The following ZNF532 variants were observed in gnomAD, a reference collection of about 807,000 sequenced individuals.
ZNF532 encodes zinc finger protein 532.
A neutral mutation model predicts 89.3 loss-of-function variants in ZNF532; 22 were observed. That is an observed-to-expected ratio of 0.25 (90% confidence interval 0.18 to 0.35). The LOEUF is 0.35. ZNF532 is among the 10% of genes least tolerant of loss of function. The probability of loss-of-function intolerance (pLI) is 1.00; values close to 1 mark genes in which losing one functional copy is unlikely to be tolerated. For synonymous variants in ZNF532, 606 were observed against 649.6 expected, an observed-to-expected ratio of 0.93 and a Z score of 1.02; for missense variants, 1,132 against 1,643.4, an observed-to-expected ratio of 0.69 and a Z score of 5.38.
intron 2 of ZNF532, among the ~76,000 whole-genome samples, chr18:58,895,718 C>T (rs1443771221): frequency 1.3e-5 from 2 of 152,280 alleles, no homozygotes; most frequent in Non-Finnish European, 2.9e-5. Flanking sequence ...CGGGGCTCCC[C>T]ACCCCTCACA....
chr18:58,904,424 A>ATC (rs1255307871), intron 2 of ZNF532, among the ~76,000 whole-genome samples: 22 of 152,272 alleles, frequency 1.4e-4, no homozygotes, highest in African/African-American at 5.3e-4. Flanking sequence ...ATGATTAAAA[A>ATC]AAGCTAAATG....
chr18:58,867,213 C>T (rs2056550673), intron 2 of ZNF532, among the ~76,000 whole-genome samples: 1 of 151,942 alleles, frequency 6.6e-6, no homozygotes, highest in African/African-American at 2.4e-5. Flanking sequence ...CACGGCTATA[C>T]AGTGCGAATA....
At chr18:58,953,032 G>T (rs369234690) in intron 6 of ZNF532, among the ~76,000 whole-genome samples, 23 of 152,290 alleles carry the variant, frequency 1.5e-4, no homozygotes, top group African/African-American at 5.5e-4. Context: ...AATGTGAAAG[G>T]CATGAAGAGA....
chr18:58,981,327 T>A (rs1228444556), intron 8 of ZNF532, 143 bp from the exon 9 acceptor site: 10 of 1,046,386 alleles, frequency 9.6e-6, no homozygotes, highest in Non-Finnish European at 1.4e-5. Context: ...AATTGCTGAT[T>A]GCGTGTTGAA....
chr18:58,869,690 T>C (rs2056800796), intron 2 of ZNF532, among the ~76,000 whole-genome samples: 1 of 152,086 alleles, frequency 6.6e-6, no homozygotes. Flanking sequence ...TGAAAATGTT[T>C]AAGCAATATT....
intron 6 of ZNF532, 93 bp downstream of exon 6, chr18:58,948,322 C>T (rs2063834882): frequency 1.5e-6 from 2 of 1,328,732 alleles, no homozygotes; most frequent in South Asian, 1.5e-5. Context: ...CTAAAGCATG[C>T]CTCACTGTCG....
At chr18:58,971,831 G>C (rs1490647068) in intron 7 of ZNF532, among the ~76,000 whole-genome samples, 1 of 152,234 alleles carries the variant, frequency 6.6e-6, no homozygotes, top group Non-Finnish European at 1.5e-5. Flanking sequence ...TTACTAAGAA[G>C]TTGAGACAAC....
intron 7 of ZNF532, among the ~76,000 whole-genome samples, chr18:58,974,404 C>T (rs893912666): frequency 6.6e-6 from 1 of 152,142 alleles, no homozygotes; most frequent in Non-Finnish European, 1.5e-5. Flanking sequence ...AGCGGCACGG[C>T]ATCTTGTGGT....
chr18:58,869,143 A>G (rs1223575011), intron 2 of ZNF532, among the ~76,000 whole-genome samples: 2 of 152,234 alleles, frequency 1.3e-5, no homozygotes, highest in Non-Finnish European at 2.9e-5. Flanking sequence ...TTTGCGTTGC[A>G]TGACTGTTCC....
At chr18:58,942,091 CA>C (rs1359504391) in intron 5 of ZNF532, among the ~76,000 whole-genome samples, 2 of 149,896 alleles carry the variant, frequency 1.3e-5, no homozygotes, top group African/African-American at 4.9e-5. Flanking sequence ...GGCACGATCT[CA>C]GCTCACTGCA....
chr18:58,912,856 C>T (rs1384455127), intron 2 of ZNF532, among the ~76,000 whole-genome samples: 1 of 152,078 alleles, frequency 6.6e-6, no homozygotes, highest in Non-Finnish European at 1.5e-5. Context: ...GTCTCTCCCA[C>T]CCCTGCCTGC....
chr18:58,868,230 A>G lies in ZNF532; in HGVS notation c.-18+2651A>G, dbSNP rs902478242. Among the ~76,000 whole-genome samples, 5 of 152,214 alleles carry G rather than the reference A, an allele frequency of 3.3e-5. No homozygotes were observed. In the South Asian group the frequency reaches 8.3e-4, roughly 25 times the overall value. ...CTAATCCCAGGACCATCAGAACAAG[A>G]ACTACAGACTTGATAAACATTATGG... On this transcript the variant is annotated intron_variant, in intron 2 of 9. Transcript: ENST00000591808.
intron 2 of ZNF532, among the ~76,000 whole-genome samples, chr18:58,912,026 T>G (rs2060313271): frequency 6.6e-6 from 1 of 151,998 alleles, no homozygotes; most frequent in Admixed American, 6.6e-5. Flanking sequence ...AGGTGGGGAA[T>G]GGATGGGGGC....
intron 2 of ZNF532, among the ~76,000 whole-genome samples, chr18:58,868,467 C>T (rs559827039): frequency 1.4e-4 from 21 of 152,258 alleles, no homozygotes; most frequent in Middle Eastern, 3.4e-3. Flanking sequence ...TTCCTCTTGC[C>T]GCCCCTCTGT....
At chr18:58,907,697 C>G (rs2060023099) in intron 2 of ZNF532, among the ~76,000 whole-genome samples, 1 of 152,126 alleles carries the variant, frequency 6.6e-6, no homozygotes, top group Non-Finnish European at 1.5e-5. Flanking sequence ...GTCAGCATGT[C>G]TTCCGTCTGC....
chr18:58,900,946 A>T (rs900785224), intron 2 of ZNF532, among the ~76,000 whole-genome samples: 2 of 152,178 alleles, frequency 1.3e-5, no homozygotes, highest in African/African-American at 4.8e-5. Context: ...TTAAAAAAAA[A>T]ATACTTTTAA....
chr18:58,923,936 A>G (rs1276046153), intron 3 of ZNF532, among the ~76,000 whole-genome samples: 1 of 151,814 alleles, frequency 6.6e-6, no homozygotes, highest in Non-Finnish European at 1.5e-5. Context: ...GGCTCATGGC[A>G]ACCTCTGCCT....
chr18:58,880,888 C>A (rs1401114679), intron 2 of ZNF532, among the ~76,000 whole-genome samples: 1 of 152,014 alleles, frequency 6.6e-6, no homozygotes, highest in Non-Finnish European at 1.5e-5. Context: ...TAGTTTAGCA[C>A]TTGATGTAAT....
intron 2 of ZNF532, among the ~76,000 whole-genome samples, chr18:58,888,864 A>G (rs1568248386): frequency 1.8e-5 from 1 of 54,286 alleles, no homozygotes; most frequent in Non-Finnish European, 3.0e-5. Flanking sequence ...ATTTATATAT[A>G]TATAATATAT....
Sources: allele counts gnomAD v4.1 joint callset (sites outside exome capture counted in the v4.1 genomes callset), GRCh38; gene constraint gnomAD v4.1.1; transcripts MANE v1.5; gene names NCBI Gene and HGNC (gene_info 2026-07-23, HGNC 2026-07-21).